SPMIP11: variants seen among roughly 807,000 people sequenced by gnomAD.
The protein encoded by SPMIP11 is long intergenic non-protein coding RNA 935.
chr12:48,769,007 T>C, the SPMIP11 span: 9 of 1,613,840 alleles, frequency 5.6e-6, no homozygotes, highest in Admixed American at 1.5e-4. Context: ...CCAGATGTCA[T>C]ACTGTGGCTT....
At chr12:48,763,380 C>T in the SPMIP11 span, among the ~76,000 whole-genome samples, 1 of 151,966 alleles carries the variant, frequency 6.6e-6, no homozygotes, top group Non-Finnish European at 1.5e-5. Flanking sequence ...CAACATGTTG[C>T]CTGGGCTGGT....
chr12:48,761,222 G>A, the SPMIP11 span, among the ~76,000 whole-genome samples: 15 of 152,010 alleles, frequency 9.9e-5, no homozygotes, highest in Admixed American at 4.6e-4. Flanking sequence ...CGAGGCGGGC[G>A]GATCACTTGA....
At chr12:48,746,523 C>T in the SPMIP11 span, among the ~76,000 whole-genome samples, 3 of 151,862 alleles carry the variant, frequency 2.0e-5, no homozygotes, top group Admixed American at 6.6e-5. Context: ...CCTGCCACCA[C>T]GGCCAGCTAA....
the SPMIP11 span, among the ~76,000 whole-genome samples, chr12:48,739,990 G>A: frequency 6.6e-6 from 1 of 152,034 alleles, no homozygotes; most frequent in African/African-American, 2.4e-5. Context: ...TGTCCACTTT[G>A]CATTTTCCAA....
At chr12:48,755,043 C>T in the SPMIP11 span, among the ~76,000 whole-genome samples, 3 of 152,166 alleles carry the variant, frequency 2.0e-5, no homozygotes, top group African/African-American at 4.8e-5. Context: ...AACATTGTGG[C>T]CAATCAGCCC....
the SPMIP11 span, among the ~76,000 whole-genome samples, chr12:48,749,125 GGTGGTGCACGCCT>G: frequency 2.6e-5 from 4 of 151,954 alleles, no homozygotes; most frequent in Non-Finnish European, 5.9e-5. Flanking sequence ...AGCTGGGCGT[GGTGGTGCACGCCT>G]GTAGTCCTAG....
chr12:48,736,448 T>C, the SPMIP11 span, among the ~76,000 whole-genome samples: 1 of 151,062 alleles, frequency 6.6e-6, no homozygotes, highest in African/African-American at 2.4e-5. Flanking sequence ...ATTGCCATCA[T>C]GTTTTCATTT....
chr12:48,757,578 A>G, the SPMIP11 span, among the ~76,000 whole-genome samples: 1 of 151,744 alleles, frequency 6.6e-6, no homozygotes, highest in African/African-American at 2.4e-5. Context: ...CCCAGGAGGC[A>G]GATGTTGCAG....
the SPMIP11 span, among the ~76,000 whole-genome samples, chr12:48,732,868 C>A: frequency 6.7e-6 from 1 of 149,976 alleles, no homozygotes; most frequent in East Asian, 2.0e-4. Context: ...TGGCTGGGAG[C>A]GGTGGCTCAC....
the SPMIP11 span, among the ~76,000 whole-genome samples, chr12:48,762,047 CTTTTTTTTTTTTT>C: frequency 5.0e-4 from 39 of 78,178 alleles, no homozygotes; most frequent in Admixed American, 2.1e-4. Context: ...TTATAACATT[CTTTTTTTTTTTTT>C]TTTTTTTTTT....
At chr12:48,754,600 G>A in the SPMIP11 span, among the ~76,000 whole-genome samples, 6 of 151,914 alleles carry the variant, frequency 3.9e-5, no homozygotes, top group South Asian at 2.1e-4. Context: ...ACAGGTGCCC[G>A]CCACCATGCC....
the SPMIP11 span, chr12:48,765,072 T>C: frequency 3.2e-6 from 2 of 633,964 alleles, no homozygotes; most frequent in Non-Finnish European, 5.7e-6. Context: ...AGAGATTATT[T>C]CATCTCCGGT....
At chr12:48,760,736 A>G in the SPMIP11 span, among the ~76,000 whole-genome samples, 1 of 152,044 alleles carries the variant, frequency 6.6e-6, no homozygotes, top group East Asian at 1.9e-4. Flanking sequence ...CATGTTGGCC[A>G]GGCTGGTCTC....
chr12:48,769,664 G>A, the SPMIP11 span, among the ~76,000 whole-genome samples: 1 of 148,594 alleles, frequency 6.7e-6, no homozygotes, highest in Non-Finnish European at 1.5e-5. Context: ...TCAGCTCACT[G>A]CAACCTCTGC....
chr12:48,739,421 CT>C, the SPMIP11 span, among the ~76,000 whole-genome samples: 1 of 152,150 alleles, frequency 6.6e-6, no homozygotes, highest in Non-Finnish European at 1.5e-5. Flanking sequence ...AGGATCCTGA[CT>C]TTTTTAACTT....
the SPMIP11 span, among the ~76,000 whole-genome samples, chr12:48,760,033 G>C: frequency 6.6e-6 from 1 of 152,082 alleles, no homozygotes; most frequent in Non-Finnish European, 1.5e-5. Context: ...CTGACCTCAG[G>C]TGATCCACCC....
At chr12:48,767,643 T>C in the SPMIP11 span, 5 of 152,650 alleles carry the variant, frequency 3.3e-5, no homozygotes, top group Admixed American at 2.6e-4. Context: ...GACCCTTTTC[T>C]ATTTGGCAAC....
the SPMIP11 span, among the ~76,000 whole-genome samples, chr12:48,749,305 C>T: frequency 6.6e-6 from 1 of 150,850 alleles, no homozygotes; most frequent in East Asian, 2.0e-4. Flanking sequence ...CCCCTCATTT[C>T]CTATTTCTCT....
At chr12:48,762,897 CTGTTTT>C in the SPMIP11 span, among the ~76,000 whole-genome samples, 20 of 151,902 alleles carry the variant, frequency 1.3e-4, no homozygotes, top group Non-Finnish European at 1.9e-4. Flanking sequence ...CATGATTTCC[CTGTTTT>C]TGTTTTTGTT....
Sources: allele counts gnomAD v4.1 joint callset (sites outside exome capture counted in the v4.1 genomes callset), GRCh38; gene constraint gnomAD v4.1.1; transcripts MANE v1.5; gene names NCBI Gene and HGNC (gene_info 2026-07-23, HGNC 2026-07-21).